Variants in CCND3 observed in about 807,000 individuals in gnomAD.
CCND3 encodes G1/S-specific cyclin-D3.
A neutral mutation model predicts 28.7 loss-of-function variants in CCND3; 9 were observed. That is an observed-to-expected ratio of 0.31 (90% confidence interval 0.19 to 0.55). CCND3 has a LOEUF of 0.55. CCND3 is among the 20% of genes least tolerant of loss of function. The pLI is 0.93. For missense variants in CCND3, 315 were observed against 385.8 expected (o/e 0.82, Z 1.54); for synonymous variants, 164 against 163.9 (o/e 1.00, Z 0.00).
rs1454825299 is a variant in CCND3 at position 42,010,172 on chromosome 6, CAA to C, written c.-46+38327_-46+38328del. ...CTTCTGTGAGCTTAGAGGTTGCAGG[CAA>C]AGTCAGTGACCTAGGTAGTACCTGG... is the stretch of plus-strand genomic sequence containing the variant. On this transcript the variant is annotated intron_variant, in intron 1 of 4. Coordinates refer to the CCND3 transcript ENST00000372988. Among the ~76,000 whole-genome samples, 6 of 152,278 alleles carry C rather than the reference CAA, an allele frequency of 3.9e-5. 1 individual carries two copies. In the East Asian group the frequency reaches 1.2e-3, roughly 29 times the overall value.
intron 1 of CCND3, among the ~76,000 whole-genome samples, chr6:42,005,455 C>T (rs923172811): frequency 7.1e-6 from 1 of 141,516 alleles, no homozygotes; most frequent in South Asian, 2.3e-4. Context: ...GCATGAGAAT[C>T]GCTTAAACCT....
Position 41,937,329 on chromosome 6 carries a change from G to A in CCND3, c.480C>T (p.Phe160=). Residue 160 remains phenylalanine, a synonymous_variant, in exon 3 of 5, where the codon TTC becomes TTT. Coordinates refer to ENST00000372991, the MANE Select transcript of CCND3 (RefSeq NM_001760.5). ...WDLAAVIAHD[F]LAFILHRLSL... ...AGAGCCGGTGCAGAATGAAGGCCAG[G>A]AAATCATGTGCAATCACAGCAGCCA... 6.2e-7 allele frequency: 1 copy of A among 1,614,172 alleles called. No homozygotes were observed. Among genetic ancestry groups the A allele is most frequent in the South Asian group, 1.1e-5 (1 of 91,080 alleles).
rs184070639 is a variant in CCND3, at chr6:41,951,629, C to G, written c.-45-11044G>C. ...GAGAGAAGCAGGAAGAAGAGGGCAT[C>G]CAAAGAAAGTTTAGGTGGGGGGTCA... On this transcript the variant is annotated intron_variant, in intron 1 of 4. Transcript: ENST00000372988. 6.2e-3 allele frequency among the ~76,000 whole-genome samples: 932 copies of G among 150,290 alleles called. 5 individuals carry two copies. The highest frequency in any genetic ancestry group is 0.014 in the Middle Eastern group (4 of 290).
At chr6:42,030,573 G>A (rs61307979) in intron 1 of CCND3, among the ~76,000 whole-genome samples, 8,776 of 152,154 alleles carry the variant, frequency 0.058, 824 homozygotes, top group African/African-American at 0.19. Flanking sequence ...GCACAGACCC[G>A]GCCTCCAGGA....
chr6:42,015,291 G>C (rs1763466126), intron 1 of CCND3, among the ~76,000 whole-genome samples: 1 of 152,148 alleles, frequency 6.6e-6, no homozygotes, highest in Non-Finnish European at 1.5e-5. Flanking sequence ...CTGAGTGAGT[G>C]GTGGGGGCTG....
rs1218160395 is a variant in CCND3, at chr6:41,941,001, T to C, written c.199-416A>G. On this transcript the variant is annotated intron_variant, in intron 1 of 4. Coordinates refer to ENST00000372991, the MANE Select transcript of CCND3 (RefSeq NM_001760.5). The surrounding 1 kb of genome is among the most constrained non-coding windows in gnomAD (Gnocchi z 6.1). ...GCCGCTGCCTCCTGCACTTTTCATT[T>C]CCCTGTCGGCCGGAACAGGGCGCGC... is the stretch of plus-strand genomic sequence containing the variant. 4.3e-6 allele frequency: 7 copies of C among 1,612,426 alleles called. No homozygotes were observed. Among genetic ancestry groups the C allele is most frequent in the Non-Finnish European group, 5.9e-6 (7 of 1,179,744 alleles).
chr6:41,975,010 T>G (rs964678547), intron 1 of CCND3, among the ~76,000 whole-genome samples: 1 of 151,930 alleles, frequency 6.6e-6, no homozygotes, highest in Non-Finnish European at 1.5e-5. Flanking sequence ...GCCAGGCTCG[T>G]CTCAAACTCC....
intron 1 of CCND3, among the ~76,000 whole-genome samples, chr6:42,001,837 G>A (rs1361225067): frequency 3.3e-5 from 5 of 152,100 alleles, no homozygotes; most frequent in African/African-American, 4.8e-5. Flanking sequence ...TCATAGGGCC[G>A]GGCACGGTAG....
chr6:41,966,663 G>T (rs978935817), intron 1 of CCND3, among the ~76,000 whole-genome samples: 1 of 152,116 alleles, frequency 6.6e-6, no homozygotes, highest in Non-Finnish European at 1.5e-5. Flanking sequence ...AGTTAGGCAG[G>T]TCTGTCTATC....
At chr6:41,942,812 TG>T (rs1172513226), upstream of CCND3, among the ~76,000 whole-genome samples, 2 of 151,470 alleles carry the variant, frequency 1.3e-5, no homozygotes, top group African/African-American at 2.4e-5. Flanking sequence ...CCTGCCCTAC[TG>T]GGGTCCTCCT....
At chr6:42,036,403 A>ATATATATATATATATTT (rs57619585) in intron 1 of CCND3, among the ~76,000 whole-genome samples, 1 of 31,312 alleles carries the variant, frequency 3.2e-5, no homozygotes, top group African/African-American at 1.4e-4. Flanking sequence ...ATATATATAT[A>ATATATATATATATATTT]TTTTTTTTTT....
intron 1 of CCND3, among the ~76,000 whole-genome samples, chr6:41,972,893 AAT>A (rs577182754): frequency 2.0e-5 from 3 of 149,770 alleles, no homozygotes; most frequent in African/African-American, 2.4e-5. Flanking sequence ...AAAAATTAAA[AAT>A]ATATATATAT....
At chr6:42,009,504 C>G (rs1383719337) in intron 1 of CCND3, among the ~76,000 whole-genome samples, 1 of 152,130 alleles carries the variant, frequency 6.6e-6, no homozygotes. Flanking sequence ...CCCAGCTACT[C>G]AGGAGGCTGA....
At chr6:41,952,308 G>A (rs1246630376) in intron 1 of CCND3, among the ~76,000 whole-genome samples, 1 of 152,232 alleles carries the variant, frequency 6.6e-6, no homozygotes, top group East Asian at 1.9e-4. Context: ...GCGATTCCAT[G>A]AAGCAGCTAA....
At chr6:42,045,710 T>C (rs1386805691) in intron 1 of CCND3, among the ~76,000 whole-genome samples, 16 of 152,250 alleles carry the variant, frequency 1.1e-4, no homozygotes, top group Non-Finnish European at 1.5e-5. Context: ...TTGACAGCTC[T>C]TTGAAACTTG....
At chr6:42,042,424 G>C (rs1449530584) in intron 1 of CCND3, among the ~76,000 whole-genome samples, 1 of 151,514 alleles carries the variant, frequency 6.6e-6, no homozygotes, top group Non-Finnish European at 1.5e-5. Context: ...GCAATGGCGC[G>C]ATCTCGGCTC....
intron 1 of CCND3, among the ~76,000 whole-genome samples, chr6:42,028,481 C>A (rs1763946454): frequency 6.6e-6 from 1 of 152,230 alleles, no homozygotes; most frequent in East Asian, 1.9e-4. Flanking sequence ...GACACCCTTA[C>A]CACCACGGTC....
chr6:41,960,019 C>T (rs1417664828), intron 1 of CCND3, among the ~76,000 whole-genome samples: 2 of 151,862 alleles, frequency 1.3e-5, no homozygotes, highest in African/African-American at 2.4e-5. Flanking sequence ...AATAATATGG[C>T]ATATGCATAC....
intron 2 of CCND3, chr6:41,937,921 T>C (rs1407880897): frequency 1.9e-5 from 3 of 161,384 alleles, no homozygotes; most frequent in Non-Finnish European, 4.1e-5. Context: ...ACTCCTCCAA[T>C]GACAGCCACA....
Sources: allele counts gnomAD v4.1 joint callset (sites outside exome capture counted in the v4.1 genomes callset), GRCh38; gene constraint gnomAD v4.1.1; non-coding constraint Gnocchi (gnomAD v3.1); transcripts MANE v1.5; gene names NCBI Gene and HGNC (gene_info 2026-07-23, HGNC 2026-07-21).